Variants in TTC21B observed in about 807,000 individuals in gnomAD.
TTC21B encodes tetratricopeptide repeat domain 21B.
A neutral mutation model predicts 175.1 loss-of-function variants in TTC21B; 127 were observed. The observed-to-expected ratio is 0.73, with a 90% CI of 0.63 to 0.84. TTC21B has a LOEUF of 0.84. TTC21B is among the 40% of genes least tolerant of loss of function. The probability of loss-of-function intolerance (pLI) is 0.00; values close to 1 mark genes in which losing one functional copy is unlikely to be tolerated. For synonymous variants in TTC21B, 524 were observed against 524.5 expected (o/e 1.00, Z 0.01); for missense variants, 1,561 against 1,558.3 (o/e 1.00, Z -0.03).
chr2:165,928,931 G>A, intron 11 of TTC21B: 1 of 561,990 alleles, frequency 1.8e-6, no homozygotes, highest in South Asian at 2.1e-5. Context: ...AAATACAAAT[G>A]AATATTTGCA....
chr2:165,923,798 T>C (rs562349339), intron 12 of TTC21B, among the ~76,000 whole-genome samples: 20 of 146,632 alleles, frequency 1.4e-4, no homozygotes, highest in African/African-American at 5.0e-4. Flanking sequence ...TCACTGACGC[T>C]GGAGTGCAGT....
At chr2:165,933,660 A>T (rs944254330) in intron 6 of TTC21B, among the ~76,000 whole-genome samples, 2 of 152,164 alleles carry the variant, frequency 1.3e-5, no homozygotes, top group African/African-American at 4.8e-5. Flanking sequence ...CTTATCATGG[A>T]TGATGTGGTA....
At chr2:165,936,895 T>G (rs1687171307) in intron 6 of TTC21B, among the ~76,000 whole-genome samples, 2 of 152,138 alleles carry the variant, frequency 1.3e-5, no homozygotes, top group Admixed American at 1.3e-4. Context: ...TTTGGCAGTT[T>G]CTTAGAAAAC....
intron 11 of TTC21B, chr2:165,928,708 CTTT>C (rs72386101): frequency 1.5e-3 from 246 of 161,334 alleles, no homozygotes; most frequent in South Asian, 4.7e-3. Context: ...ATGGTCCTTT[CTTT>C]TTTTTTTTTT....
chr2:165,913,780 G>A, intron 15 of TTC21B, 134 bp from the exon 16 acceptor site: 1 of 690,260 alleles, frequency 1.4e-6, no homozygotes, highest in South Asian at 1.9e-5. Context: ...ACCCAACAGT[G>A]TAATATTATA....
intron 22 of TTC21B, among the ~76,000 whole-genome samples, chr2:165,893,321 C>G (rs1163325069): frequency 2.0e-5 from 3 of 152,080 alleles, no homozygotes; most frequent in East Asian, 3.9e-4. Flanking sequence ...CATCTGGAAG[C>G]TATATTGGAT....
At chr2:165,942,603 C>T (rs1373324990) in intron 5 of TTC21B, among the ~76,000 whole-genome samples, 1 of 152,130 alleles carries the variant, frequency 6.6e-6, no homozygotes, top group Non-Finnish European at 1.5e-5. Context: ...CCCACTTTGG[C>T]CTCCTTGCTA....
At chr2:165,934,500 C>CAAAAAA (rs369089707) in intron 6 of TTC21B, among the ~76,000 whole-genome samples, 117 of 71,774 alleles carry the variant, frequency 1.6e-3, no homozygotes, top group African/African-American at 4.8e-3. Flanking sequence ...GACTCTGTCT[C>CAAAAAA]AAAAAAAAAA....
intron 6 of TTC21B, among the ~76,000 whole-genome samples, chr2:165,937,878 T>C (rs2217579): frequency 4.0e-5 from 6 of 150,086 alleles, no homozygotes; most frequent in African/African-American, 1.5e-4. Context: ...ACTAGTACCC[T>C]AATTGTGGCC....
At chr2:165,925,853 G>C (rs1686606904) in intron 11 of TTC21B, among the ~76,000 whole-genome samples, 1 of 152,132 alleles carries the variant, frequency 6.6e-6, no homozygotes, top group Non-Finnish European at 1.5e-5. Context: ...AAAAATATCT[G>C]TTTTTTTCAG....
Position 165,929,205 on chromosome 2 carries a change from T to C in TTC21B, c.1316A>G (p.Tyr439Cys), listed in dbSNP as rs768947567. The change falls in exon 11 of 29, where the codon TAT becomes TGT. Residue 439 changes from tyrosine (Y) to cysteine (C), a missense_variant. Tyr to Cys is a radical substitution (Grantham distance 194). Transcript: ENST00000243344. ...QLEGLPLGIQ[Y>C]FEKLNPDFLL... ...GAAATCAGGATTTAGCTTTTCAAAA[T>C]ACTGTATGCCAAGAGGCAAACCTTC... 1.2e-6 allele frequency: 2 copies of C among 1,613,102 alleles called. No individual in the cohort carries two copies.
chr2:165,925,083 T>G (rs568448416), intron 11 of TTC21B, among the ~76,000 whole-genome samples: 1 of 152,208 alleles, frequency 6.6e-6, no homozygotes, highest in South Asian at 2.1e-4. Flanking sequence ...GCCTTGTGAT[T>G]TGCTCAATTC....
intron 20 of TTC21B, among the ~76,000 whole-genome samples, chr2:165,901,265 A>G (rs915629354): frequency 1.3e-5 from 2 of 152,030 alleles, no homozygotes; most frequent in Admixed American, 6.6e-5. Context: ...GAGGAATAAT[A>G]TTAATCTTTT....
intron 3 of TTC21B, 117 bp from the exon 4 acceptor site, chr2:165,945,807 G>A: frequency 1.1e-6 from 1 of 923,856 alleles, no homozygotes; most frequent in Non-Finnish European, 1.6e-6. Context: ...CTGTCTAATA[G>A]AAATAAAATG....
intron 11 of TTC21B, among the ~76,000 whole-genome samples, chr2:165,927,001 T>C (rs1353720801): frequency 1.5e-5 from 2 of 129,982 alleles, no homozygotes; most frequent in Admixed American, 8.2e-5. Flanking sequence ...CATATATATA[T>C]ATATATATAT....
intron 22 of TTC21B, among the ~76,000 whole-genome samples, chr2:165,894,932 A>G (rs1406672319): frequency 6.6e-6 from 1 of 152,180 alleles, no homozygotes; most frequent in East Asian, 1.9e-4. Context: ...TTACCAACTC[A>G]TCCCAGTTTG....
At chr2:165,909,863 A>G (rs1685870502) in intron 18 of TTC21B, among the ~76,000 whole-genome samples, 1 of 152,254 alleles carries the variant, frequency 6.6e-6, no homozygotes, top group Admixed American at 6.5e-5. Flanking sequence ...CAAGGAAAGA[A>G]GTTATTAAAT....
At chr2:165,937,077 A>G (rs1467530225) in intron 6 of TTC21B, among the ~76,000 whole-genome samples, 2 of 152,112 alleles carry the variant, frequency 1.3e-5, no homozygotes, top group Non-Finnish European at 2.9e-5. Flanking sequence ...ACTGTGGTAC[A>G]TCGAAACAAT....
chr2:165,922,649 T>C (rs1686458352), intron 12 of TTC21B, among the ~76,000 whole-genome samples: 1 of 150,312 alleles, frequency 6.7e-6, no homozygotes, highest in Non-Finnish European at 1.5e-5. Flanking sequence ...TGTAAATTAG[T>C]ACAACCTCTT....
Sources: allele counts gnomAD v4.1 joint callset (sites outside exome capture counted in the v4.1 genomes callset), GRCh38; gene constraint gnomAD v4.1.1; transcripts MANE v1.5; gene names NCBI Gene and HGNC (gene_info 2026-07-23, HGNC 2026-07-21).